The following CSMD1 variants were observed in gnomAD, a reference collection of about 807,000 sequenced individuals.
The protein encoded by CSMD1 is CUB and sushi domain-containing protein 1.
Under a neutral mutation model 417.5 loss-of-function variants are expected in CSMD1, and 213 were observed. That is an observed-to-expected ratio of 0.51 (90% CI 0.46 to 0.57). The LOEUF (loss-of-function observed/expected upper bound fraction) is 0.57, where lower values mean the gene tolerates loss of function less well. CSMD1 is among the 20% of genes least tolerant of loss of function. The pLI, the probability that CSMD1 is intolerant of heterozygous loss-of-function variation, is 0.00. For missense variants in CSMD1, 6,923 were observed against 4,529.7 expected, an observed-to-expected ratio of 1.53 and a Z score of -15.17; for synonymous variants, 2,862 against 1,736.8, an observed-to-expected ratio of 1.65 and a Z score of -16.11.
chr8:3,094,101 T>A (rs13248002), intron 47 of CSMD1, among the ~76,000 whole-genome samples: 41,277 of 151,102 alleles, frequency 0.27, 6,211 homozygotes, highest in South Asian at 0.39. Flanking sequence ...TATTTTATTT[T>A]ATTTTTTATT....
intron 3 of CSMD1, among the ~76,000 whole-genome samples, chr8:4,400,155 G>C (rs1804551462): frequency 6.6e-6 from 1 of 152,162 alleles, no homozygotes; most frequent in Non-Finnish European, 1.5e-5. Context: ...ATATAGCTGT[G>C]GTTAGGGAAG....
chr8:3,616,604 T>G, intron 8 of CSMD1, 106 bp downstream of exon 8: 1 of 731,506 alleles, frequency 1.4e-6, no homozygotes, highest in Non-Finnish European at 2.3e-6. Flanking sequence ...ATTAAGAAGT[T>G]TTATCTTTAC....
intron 2 of CSMD1, among the ~76,000 whole-genome samples, chr8:4,522,815 G>T (rs1803542090): frequency 6.6e-6 from 1 of 152,172 alleles, no homozygotes; most frequent in South Asian, 2.1e-4. Context: ...AATAAGAACA[G>T]TAAGAATAGC....
intron 3 of CSMD1, among the ~76,000 whole-genome samples, chr8:4,319,129 A>G (rs1799112734): frequency 6.6e-6 from 1 of 152,200 alleles, no homozygotes; most frequent in African/African-American, 2.4e-5. Flanking sequence ...TTTTAAAAGC[A>G]GATTAAATCA....
chr8:4,213,327 C>CA (rs563602904), intron 3 of CSMD1, among the ~76,000 whole-genome samples: 22 of 152,170 alleles, frequency 1.4e-4, no homozygotes, highest in African/African-American at 5.1e-4. Flanking sequence ...TCCAGACATG[C>CA]AATTCAGAGA....
At chr8:3,919,267 G>T (rs1422061165) in intron 5 of CSMD1, among the ~76,000 whole-genome samples, 1 of 151,250 alleles carries the variant, frequency 6.6e-6, no homozygotes, top group Non-Finnish European at 1.5e-5. Context: ...TTTTCTTCTA[G>T]GAGTTTTGCG....
chr8:3,894,043 G>A (rs1473887200), intron 5 of CSMD1, among the ~76,000 whole-genome samples: 1 of 151,908 alleles, frequency 6.6e-6, no homozygotes, highest in Non-Finnish European at 1.5e-5. Flanking sequence ...CCATAGTGCT[G>A]GTCATTGCTG....
intron 3 of CSMD1, among the ~76,000 whole-genome samples, chr8:4,145,358 T>G (rs570621060): frequency 6.6e-6 from 1 of 151,056 alleles, no homozygotes; most frequent in Non-Finnish European, 1.5e-5. Context: ...CAGAAAGATC[T>G]GGAAAAATGT....
rs376536021 is a variant in CSMD1, at chr8:3,729,631, G to A, written c.932-21140C>T. 2.6e-3 allele frequency among the ~76,000 whole-genome samples: 399 copies of A among 152,112 alleles called. 2 individuals are homozygous for A. The highest frequency in any genetic ancestry group is 9.2e-3 in the African/African-American group (380 of 41,456). ...GCAGATCTTAGTGTGGAAAGACGGT[G>A]AACTCAACTTAGAGGAAGCGATGGG... On this transcript the variant is annotated intron_variant, in intron 6 of 69. Transcript: ENST00000635120.
chr8:4,284,305 T>G (rs1005117783), intron 3 of CSMD1, among the ~76,000 whole-genome samples: 2 of 151,428 alleles, frequency 1.3e-5, no homozygotes, highest in African/African-American at 4.9e-5. Context: ...GAGGCGGAGG[T>G]TGCCGTGAGC....
chr8:3,804,149 C>G (rs1371870126), intron 5 of CSMD1, among the ~76,000 whole-genome samples: 2 of 152,006 alleles, frequency 1.3e-5, no homozygotes, highest in Admixed American at 6.6e-5. Context: ...CCAGGCTGGT[C>G]TCGAACTCCC....
intron 12 of CSMD1, among the ~76,000 whole-genome samples, chr8:3,429,190 T>A (rs141277005): frequency 6.6e-6 from 1 of 152,168 alleles, no homozygotes; most frequent in African/African-American, 2.4e-5. Context: ...GGATTTTCAA[T>A]GTTTTTACCG....
At chr8:4,155,270 G>T (rs866160473) in intron 3 of CSMD1, among the ~76,000 whole-genome samples, 1 of 152,174 alleles carries the variant, frequency 6.6e-6, no homozygotes, top group Non-Finnish European at 1.5e-5. Context: ...GAATAAGTCC[G>T]GGTGTGAATT....
At chr8:4,322,412 G>T (rs563166387) in intron 3 of CSMD1, among the ~76,000 whole-genome samples, 1 of 152,096 alleles carries the variant, frequency 6.6e-6, no homozygotes, top group Non-Finnish European at 1.5e-5. Context: ...TATTAGCAAG[G>T]TGACTACATA....
At chr8:3,942,647 A>G (rs1042512477) in intron 5 of CSMD1, among the ~76,000 whole-genome samples, 3 of 152,182 alleles carry the variant, frequency 2.0e-5, no homozygotes, top group Non-Finnish European at 4.4e-5. Flanking sequence ...GCCTCAGTTT[A>G]TCTTTAAAAA....
intron 10 of CSMD1, among the ~76,000 whole-genome samples, chr8:3,494,233 GT>G (rs1796265824): frequency 1.3e-5 from 2 of 151,892 alleles, no homozygotes; most frequent in Non-Finnish European, 2.9e-5. Flanking sequence ...AAGCCTGTAA[GT>G]TTTTTGTTTG....
At chr8:4,256,536 A>G (rs543378124) in intron 3 of CSMD1, among the ~76,000 whole-genome samples, 2 of 152,328 alleles carry the variant, frequency 1.3e-5, no homozygotes, top group South Asian at 4.1e-4. Context: ...CATGGCAATC[A>G]AATGACATCA....
In CSMD1 at chr8:3,725,790, G is replaced by C. The variant is rs968179293; in HGVS notation, c.932-17299C>G. On this transcript the variant is annotated intron_variant, in intron 6 of 69. Transcript: ENST00000635120. ...GACTTGGGAACACGTGAAAACCATTGATCTAGGAATCTTTCAAGGACTGTG... is the reference window on the plus strand; with the variant it reads ...GACTTGGGAACACGTGAAAACCATTCATCTAGGAATCTTTCAAGGACTGTG... Among the ~76,000 whole-genome samples the C allele has an allele frequency of 1.6e-4, 25 of 152,258 alleles. 2 individuals are homozygous for C. The highest frequency in any genetic ancestry group is 6.8e-3 in the Middle Eastern group (2 of 294).
At chr8:4,949,923 TG>T (rs1234896264) in intron 1 of CSMD1, among the ~76,000 whole-genome samples, 1 of 152,134 alleles carries the variant, frequency 6.6e-6, no homozygotes, top group Non-Finnish European at 1.5e-5. Context: ...AGTGTGTGTG[TG>T]TGTGTGTATT....
Sources: gnomAD v4.1 joint callset for allele counts (sites outside exome capture counted in the v4.1 genomes callset) on GRCh38, gnomAD v4.1.1 for gene constraint, MANE v1.5 for transcripts, NCBI Gene and HGNC (gene_info 2026-07-23, HGNC 2026-07-21) for gene names.